ATP2C1: variants seen among roughly 807,000 people sequenced by gnomAD.
ATP2C1 encodes the protein calcium-transporting ATPase type 2C member 1.
A neutral mutation model predicts 120.5 loss-of-function variants in ATP2C1; 31 were observed. The ratio of observed to expected loss-of-function variants is 0.26; its 90% CI spans 0.19 to 0.35. The LOEUF (loss-of-function observed/expected upper bound fraction) is 0.35. ATP2C1 is among the 10% of genes least tolerant of loss of function. ATP2C1 has a pLI of 1.00. For synonymous variants in ATP2C1, 351 were observed against 358.7 expected, an observed-to-expected ratio of 0.98 and a Z score of 0.24; for missense variants, 731 against 1,107.5, an observed-to-expected ratio of 0.66 and a Z score of 4.83.
chr3:130,951,755 A>G (rs899834884), intron 8 of ATP2C1, among the ~76,000 whole-genome samples: 1 of 152,168 alleles, frequency 6.6e-6, no homozygotes, highest in Non-Finnish European at 1.5e-5. Context: ...GTTAAATGCA[A>G]AATCCTTTAA....
At chr3:130,928,486 T>C (rs1210581570) in intron 2 of ATP2C1, among the ~76,000 whole-genome samples, 3 of 152,234 alleles carry the variant, frequency 2.0e-5, no homozygotes, top group Admixed American at 1.3e-4. Context: ...AGAAACATTT[T>C]ATGAGTAAGG....
At chr3:130,895,102 C>G (rs1263298915) in intron 2 of ATP2C1, among the ~76,000 whole-genome samples, 3 of 151,928 alleles carry the variant, frequency 2.0e-5, no homozygotes, top group South Asian at 4.1e-4. Context: ...AGGAATTACT[C>G]GAGGGGAAGT....
intron 2 of ATP2C1, among the ~76,000 whole-genome samples, chr3:130,900,165 C>A (rs982490931): frequency 6.6e-6 from 1 of 151,992 alleles, no homozygotes; most frequent in African/African-American, 2.4e-5. Flanking sequence ...TGGACTAATG[C>A]GATCTCCCTG....
At chr3:130,980,022 C>T (rs1008418585) in intron 19 of ATP2C1, among the ~76,000 whole-genome samples, 1 of 152,084 alleles carries the variant, frequency 6.6e-6, no homozygotes, top group Admixed American at 6.5e-5. Context: ...TATATATTGT[C>T]TAAGAACAGG....
chr3:130,969,426 C>T (rs755355573), intron 17 of ATP2C1, 30 bp downstream of exon 17: 6 of 1,551,432 alleles, frequency 3.9e-6, no homozygotes, highest in Non-Finnish European at 4.4e-6. Context: ...ATACTTATTT[C>T]CTGTTTAGCT....
At chr3:130,921,558 T>C (rs2058967631) in intron 2 of ATP2C1, among the ~76,000 whole-genome samples, 1 of 152,216 alleles carries the variant, frequency 6.6e-6, no homozygotes, top group Non-Finnish European at 1.5e-5. Flanking sequence ...GTTTCTGTTT[T>C]TTGCTATTGA....
chr3:130,859,191 C>T (rs1034422700), intron 1 of ATP2C1, among the ~76,000 whole-genome samples: 3 of 152,140 alleles, frequency 2.0e-5, no homozygotes, highest in African/African-American at 7.2e-5. Flanking sequence ...AGTTAGGATT[C>T]CCGTTTTATT....
intron 20 of ATP2C1, among the ~76,000 whole-genome samples, chr3:130,991,331 G>A: frequency 6.6e-6 from 1 of 152,162 alleles, no homozygotes; most frequent in Non-Finnish European, 1.5e-5. Flanking sequence ...TGGTGGTGGT[G>A]GTGGTGGTGC....
chr3:131,002,121 CAA>C lies in ATP2C1; in HGVS notation c.*775_*776del. 1.0e-6 allele frequency: 1 copy of C among 985,056 alleles called. No homozygotes were observed. The allele number at this position is 985,056 out of a possible 1,614,324, so 61.0% of individuals were successfully genotyped here. A position where few individuals can be genotyped will look rare whatever the true frequency, so the allele number is the denominator to read the frequency against. ...CATAATTAACGCTTAGTCATAGAGT[CAA>C]AAACATTTAAGACTGATTGGGTTGA... On this transcript the variant is annotated 3_prime_UTR_variant, in exon 28 of 28. Transcript: ENST00000510168.
At chr3:130,862,140 ATT>A (rs961006271) in intron 1 of ATP2C1, among the ~76,000 whole-genome samples, 4 of 138,222 alleles carry the variant, frequency 2.9e-5, no homozygotes, top group Admixed American at 7.3e-5. Flanking sequence ...TGCCTGGCTA[ATT>A]TTTTTTTTTT....
chr3:130,888,442 T>C (rs1157722198), intron 1 of ATP2C1, among the ~76,000 whole-genome samples: 1 of 152,200 alleles, frequency 6.6e-6, no homozygotes, highest in African/African-American at 2.4e-5. Context: ...CTTTCAAGTT[T>C]ACCTAGAACC....
At position 130,967,166 on chromosome 3, in the gene ATP2C1, C is replaced by G. The variant is rs778207186; in HGVS notation, c.1144C>G (p.Gln382Glu). 6 of 1,613,538 alleles carry G rather than the reference C, an allele frequency of 3.7e-6. No homozygotes were observed. In the South Asian group the frequency reaches 5.5e-5, roughly 15 times the overall value. ...TTAGGTTACTGGAGTTGGCTATAAT[C>G]AATTTGGGGAAGTGATTGTTGATGG... ...HAEVTGVGYN[Q>E]FGEVIVDGDV... The change falls in exon 15 of 28, where the codon CAA (glutamine) becomes GAA (glutamate). Residue 382 changes from glutamine (Q) to glutamate (E), a missense_variant. By Grantham distance (29) the Gln-to-Glu change is conservative. Around this residue, in one of 3 missense-constraint regions of ATP2C1, gnomAD observed 571 missense variants for 845.9 expected, o/e 0.67. Transcript: ENST00000510168.
intron 1 of ATP2C1, among the ~76,000 whole-genome samples, chr3:130,867,284 A>G (rs893996344): frequency 6.6e-6 from 1 of 151,336 alleles, no homozygotes. Context: ...AAATCAAAAA[A>G]TAGAAATGAT....
chr3:130,894,907 G>T lies in ATP2C1; in HGVS notation c.6+132G>T, dbSNP rs2069459062. 2 of 1,027,524 alleles carry T rather than the reference G, an allele frequency of 1.9e-6. No individual in the cohort carries two copies. The highest frequency in any genetic ancestry group is 3.1e-6 in the Non-Finnish European group (2 of 648,844). 63.7% of individuals were successfully genotyped at this position (1,027,524 alleles called of 1,614,324 possible). On this transcript the variant is annotated intron_variant, in intron 2 of 27. Coordinates refer to ENST00000510168, the MANE Select transcript of ATP2C1 (RefSeq NM_001378687.1). The surrounding 1 kb of genome is among the most constrained non-coding windows in gnomAD (Gnocchi z 4.5). ...TTACTGTGTATGTGAAGTGTCCAAG[G>T]ATTTGCTTACTTAGGGTATCCAGCT...
At chr3:131,003,203 G>A (rs2062975555), downstream of ATP2C1, 2 of 962,992 alleles carry the variant, frequency 2.1e-6, no homozygotes, top group South Asian at 4.8e-5. Context: ...GGATGCTGAA[G>A]ATACAGAAAT....
At chr3:130,993,854 G>A in intron 21 of ATP2C1, 78 bp from the exon 22 acceptor site, 2 of 1,437,232 alleles carry the variant, frequency 1.4e-6, no homozygotes, top group South Asian at 1.2e-5. Flanking sequence ...AAATAGGGAG[G>A]ATTTGTTTAT....
At chr3:130,856,222 C>A (rs1354500658) in intron 1 of ATP2C1, 2 of 151,978 alleles carry the variant, frequency 1.3e-5, no homozygotes, top group Non-Finnish European at 2.9e-5. Context: ...TTTTTCTTTG[C>A]TGCTCTGTTT....
At chr3:130,986,129 G>A (rs1400069511) in intron 20 of ATP2C1, among the ~76,000 whole-genome samples, 1 of 150,476 alleles carries the variant, frequency 6.6e-6, no homozygotes, top group Admixed American at 6.6e-5. Context: ...CTGGGGCAGT[G>A]TGGATGTTTG....
chr3:130,884,372 T>C (rs1029524743), intron 1 of ATP2C1, among the ~76,000 whole-genome samples: 5 of 152,246 alleles, frequency 3.3e-5, no homozygotes, highest in African/African-American at 1.2e-4. Context: ...GAGAAGATGC[T>C]TGATATTATT....
Sources: allele counts gnomAD v4.1 joint callset (sites outside exome capture counted in the v4.1 genomes callset), GRCh38; gene constraint gnomAD v4.1.1; regional missense constraint gnomAD v4.1.1; non-coding constraint Gnocchi (gnomAD v3.1); transcripts MANE v1.5; gene names NCBI Gene and HGNC (gene_info 2026-07-23, HGNC 2026-07-21).